Variants in SDHAF3 observed in about 807,000 individuals in gnomAD.
SDHAF3 encodes the protein succinate dehydrogenase complex assembly factor 3.
A neutral mutation model predicts 11.5 loss-of-function variants in SDHAF3; 18 were observed. The observed-to-expected ratio is 1.56, with a 90% CI of 1.08 to 2.32. SDHAF3 has a LOEUF of 2.32. Among genes scored for constraint, SDHAF3 ranks in the 30% most tolerant of loss-of-function variants. SDHAF3 has a pLI of 0.00. For missense variants in SDHAF3, 200 were observed against 154.4 expected, an observed-to-expected ratio of 1.30 and a Z score of -1.57; for synonymous variants, 72 against 59.3, an observed-to-expected ratio of 1.21 and a Z score of -0.99.
At chr7:97,121,045 AT>A (rs1351627436) in intron 1 of SDHAF3, among the ~76,000 whole-genome samples, 2 of 152,238 alleles carry the variant, frequency 1.3e-5, no homozygotes, top group Admixed American at 1.3e-4. Context: ...AAGAGAAAAA[AT>A]TTAAGTTCAG....
intron 1 of SDHAF3, among the ~76,000 whole-genome samples, chr7:97,134,781 T>C (rs1791723353): frequency 6.6e-6 from 1 of 152,186 alleles, no homozygotes; most frequent in South Asian, 2.1e-4. Context: ...GTTTGGACAT[T>C]TTTGCAAGTT....
chr7:97,131,192 A>AT (rs1405475787), intron 1 of SDHAF3, among the ~76,000 whole-genome samples: 3 of 152,056 alleles, frequency 2.0e-5, no homozygotes, highest in Non-Finnish European at 1.5e-5. Context: ...ATGATTACAG[A>AT]TTTTTTCCTT....
chr7:97,121,861 T>TG (rs1791503405), intron 1 of SDHAF3, among the ~76,000 whole-genome samples: 2 of 137,628 alleles, frequency 1.5e-5, no homozygotes, highest in African/African-American at 6.0e-5. Flanking sequence ...TTTGTTTTTT[T>TG]TTTTTTTGTT....
chr7:97,117,707 G>C lies in SDHAF3; in HGVS notation c.-17G>C, dbSNP rs369475747. 1.1e-4 allele frequency: 173 copies of C among 1,605,462 alleles called. 2 individuals carry two copies. The South Asian group carries it at 1.8e-3, about 16-fold the overall frequency. ...GTCCCTCTGCGCAGGCGCAGTCGGC[G>C]GTCGGCGTGGGGCGCTATGCCGGGG... On this transcript the variant is annotated 5_prime_UTR_variant, in exon 1 of 2. Transcript: ENST00000432641.
In SDHAF3 at chr7:97,117,815, G is replaced by A. The variant is rs762341341; in HGVS notation, c.92G>A (p.Gly31Asp). 9.9e-6 allele frequency: 16 copies of A among 1,614,076 alleles called. No individual in the cohort carries two copies. In the South Asian group the frequency reaches 1.6e-4, roughly 17 times the overall value. Reference protein sequence around the residue: ...RVLPPDLKSLGDQYVKDEFRR... With the variant: ...RVLPPDLKSLDDQYVKDEFRR... Reference sequence around the variant, plus strand: ...CTGCCCCCGGACCTCAAATCCCTGGGCGACCAGTACGTGAAAGACGAATTT... The same window carrying A: ...CTGCCCCCGGACCTCAAATCCCTGGACGACCAGTACGTGAAAGACGAATTT... Residue 31 changes from glycine to aspartate, a missense_variant, in exon 1 of 2, where the codon GGC becomes GAC. Transcript: ENST00000432641.
chr7:97,132,776 C>T (rs566948095), intron 1 of SDHAF3, among the ~76,000 whole-genome samples: 1 of 152,094 alleles, frequency 6.6e-6, no homozygotes, highest in African/African-American at 2.4e-5. Flanking sequence ...ATAGGCTCCC[C>T]TTGGCTTAGA....
intron 1 of SDHAF3, among the ~76,000 whole-genome samples, chr7:97,172,799 A>G (rs1244942561): frequency 6.6e-6 from 1 of 152,242 alleles, no homozygotes; most frequent in Non-Finnish European, 1.5e-5. Flanking sequence ...TTGGATTTTA[A>G]AAATGTATAT....
chr7:97,159,893 T>G (rs1172160998), intron 1 of SDHAF3, among the ~76,000 whole-genome samples: 1 of 152,220 alleles, frequency 6.6e-6, no homozygotes, highest in Non-Finnish European at 1.5e-5. Flanking sequence ...TTTGGAGGGT[T>G]AGACCATTGG....
chr7:97,180,963 A>AATATT, intron 1 of SDHAF3, 49 bp from the exon 2 acceptor site: 1 of 1,491,434 alleles, frequency 6.7e-7, no homozygotes, highest in Non-Finnish European at 9.0e-7. Flanking sequence ...TCTAATGTTA[A>AATATT]ATATTATTTA....
intron 1 of SDHAF3, among the ~76,000 whole-genome samples, chr7:97,140,757 G>A (rs1247196658): frequency 6.6e-6 from 1 of 151,720 alleles, no homozygotes; most frequent in Non-Finnish European, 1.5e-5. Flanking sequence ...GATGTATGTC[G>A]CCTCAGGACC....
At chr7:97,127,166 A>G (rs1036529090) in intron 1 of SDHAF3, among the ~76,000 whole-genome samples, 4 of 152,128 alleles carry the variant, frequency 2.6e-5, no homozygotes, top group African/African-American at 9.7e-5. Flanking sequence ...TGAACAGGGT[A>G]CCTTAGTTGG....
chr7:97,144,865 G>T (rs1562824431), intron 1 of SDHAF3, among the ~76,000 whole-genome samples: 1 of 152,116 alleles, frequency 6.6e-6, no homozygotes, highest in Admixed American at 6.5e-5. Flanking sequence ...TTTTGATGGG[G>T]ATTGCACGGA....
At position 97,174,883 on chromosome 7, in the gene SDHAF3, T is replaced by C. The variant is rs151082683; in HGVS notation, c.175-6129T>C. ...CCTTTATTACTTCTGAGACTGGCGT[T>C]GTTATGTAGTTTTTCATAGTCTGAA... is the stretch of plus-strand genomic sequence containing the variant. On this transcript the variant is annotated intron_variant, in intron 1 of 1. Coordinates refer to ENST00000432641, the MANE Select transcript of SDHAF3 (RefSeq NM_020186.3). 3.1e-4 allele frequency among the ~76,000 whole-genome samples: 47 copies of C among 152,332 alleles called. No homozygotes were observed. In the East Asian group the frequency reaches 8.9e-3, roughly 29 times the overall value.
chr7:97,161,161 C>T (rs1027952152), intron 1 of SDHAF3, among the ~76,000 whole-genome samples: 4 of 152,082 alleles, frequency 2.6e-5, no homozygotes, highest in Non-Finnish European at 5.9e-5. Context: ...TACTGTGTTG[C>T]CAGTGTTTAT....
chr7:97,129,832 C>T (rs537165803), intron 1 of SDHAF3, among the ~76,000 whole-genome samples: 1 of 152,194 alleles, frequency 6.6e-6, no homozygotes, highest in Admixed American at 6.5e-5. Context: ...GCGAGCCAGG[C>T]ACAGAGCAGC....
chr7:97,167,226 G>A (rs987161460), intron 1 of SDHAF3, among the ~76,000 whole-genome samples: 5 of 152,120 alleles, frequency 3.3e-5, no homozygotes, highest in Non-Finnish European at 5.9e-5. Flanking sequence ...CTGTTCTCAC[G>A]ATAGTGAGTT....
At position 97,181,453 on chromosome 7, in the gene SDHAF3, AATTTTGCTGAAAATGTTTT is replaced by A; in HGVS notation, c.*240_*258del. 1 of 345,260 alleles carries A rather than the reference AATTTTGCTGAAAATGTTTT, an allele frequency of 2.9e-6. No homozygotes were observed. Among genetic ancestry groups the A allele is most frequent in the Non-Finnish European group, 5.3e-6 (1 of 190,198 alleles). The allele number at this position is 345,260 out of a possible 1,614,324, so 21.4% of individuals were successfully genotyped here. A position where few individuals can be genotyped will look rare whatever the true frequency, so the allele number is the denominator to read the frequency against. On this transcript the variant is annotated 3_prime_UTR_variant, in exon 2 of 2. Coordinates refer to ENST00000432641, the MANE Select transcript of SDHAF3 (RefSeq NM_020186.3). ...TTGGAACTAAACAGCAAATTTCTAG[AATTTTGCTGAAAATGTTTT>A]AAAATGCTATTCTCATCCAGCCATA...
chr7:97,166,335 C>T (rs1035056838), intron 1 of SDHAF3, among the ~76,000 whole-genome samples: 1 of 152,094 alleles, frequency 6.6e-6, no homozygotes, highest in Non-Finnish European at 1.5e-5. Context: ...TACATTGGTT[C>T]AGTCTGGAAA....
intron 1 of SDHAF3, among the ~76,000 whole-genome samples, chr7:97,176,055 C>A (rs777965413): frequency 6.6e-6 from 1 of 152,116 alleles, no homozygotes; most frequent in Non-Finnish European, 1.5e-5. Flanking sequence ...TTTATCTCAT[C>A]CCCTCTAAGA....
Sources: gnomAD v4.1 joint callset for allele counts (sites outside exome capture counted in the v4.1 genomes callset) on GRCh38, gnomAD v4.1.1 for gene constraint, MANE v1.5 for transcripts, NCBI Gene and HGNC (gene_info 2026-07-23, HGNC 2026-07-21) for gene names.